The following UNC13B variants were observed in gnomAD, a reference collection of about 807,000 sequenced individuals.
The protein encoded by UNC13B is protein unc-13 homolog B.
In UNC13B, 144 loss-of-function variants were observed where a neutral mutation model predicts 211.0. The ratio of observed to expected loss-of-function variants is 0.68; its 90% confidence interval spans 0.60 to 0.78. The LOEUF (loss-of-function observed/expected upper bound fraction) is 0.78. UNC13B is among the 30% of genes least tolerant of loss of function. UNC13B has a pLI of 0.00. For missense variants in UNC13B, 1,777 were observed against 2,002.0 expected (o/e 0.89, Z 2.14); for synonymous variants, 709 against 725.8 (o/e 0.98, Z 0.37).
At chr9:35,341,605 T>G (rs1831999251) in intron 11 of UNC13B, among the ~76,000 whole-genome samples, 1 of 151,706 alleles carries the variant, frequency 6.6e-6, no homozygotes, top group South Asian at 2.1e-4. Flanking sequence ...ATAGCCCAGA[T>G]GTGAGAGAGG....
At chr9:35,344,132 T>C (rs536502459) in intron 11 of UNC13B, among the ~76,000 whole-genome samples, 1 of 152,246 alleles carries the variant, frequency 6.6e-6, no homozygotes, top group African/African-American at 2.4e-5. Flanking sequence ...GGGAGCCCTG[T>C]CACAGCATCC....
In UNC13B at chr9:35,404,055, A is replaced by G. The variant is rs1228658042; in HGVS notation, c.*22A>G. ...CTGAACACCTTCGACTCCTGTGCCA[A>G]TCAGGCAGCAGCAATTTCACAAATC... On this transcript the variant is annotated 3_prime_UTR_variant, in exon 40 of 40. Transcript: ENST00000635942. The G allele has an allele frequency of 1.9e-6, 3 of 1,602,120 alleles. No individual in the cohort carries two copies. The highest frequency in any genetic ancestry group is 2.2e-5 in the South Asian group (2 of 89,944).
At position 35,288,276 on chromosome 9, in the gene UNC13B, T is replaced by C. The variant is rs1828903816; in HGVS notation, c.527-7420T>C. Among the ~76,000 whole-genome samples the C allele has an allele frequency of 2.6e-5, 4 of 152,310 alleles. No individual in the cohort carries two copies. In the South Asian group the frequency reaches 8.3e-4, roughly 32 times the overall value. On this transcript the variant is annotated intron_variant, in intron 7 of 39. Coordinates refer to ENST00000635942, the MANE Select transcript of UNC13B (RefSeq NM_001371189.2). ...CTAAAATGCCAAATCTGATCCTGTC[T>C]TTCCCCTCTTAAAAGCTCTGATAGC...
At chr9:35,274,871 C>G (rs1311555039) in intron 7 of UNC13B, among the ~76,000 whole-genome samples, 1 of 152,082 alleles carries the variant, frequency 6.6e-6, no homozygotes, top group Non-Finnish European at 1.5e-5. Flanking sequence ...ATGTCCAGCT[C>G]CATAACTTTC....
chr9:35,235,204 A>AT (rs1257053864), intron 3 of UNC13B, among the ~76,000 whole-genome samples: 1 of 151,882 alleles, frequency 6.6e-6, no homozygotes, highest in Non-Finnish European at 1.5e-5. Flanking sequence ...TTCTTTTCGA[A>AT]TTTTTTCCCC....
chr9:35,218,903 C>T (rs189853174), intron 1 of UNC13B, among the ~76,000 whole-genome samples: 2 of 152,172 alleles, frequency 1.3e-5, no homozygotes, highest in Non-Finnish European at 2.9e-5. Flanking sequence ...GCATGCACCA[C>T]CACGCCTGGC....
At chr9:35,324,803 CAT>C (rs1830921562) in intron 11 of UNC13B, among the ~76,000 whole-genome samples, 1 of 152,118 alleles carries the variant, frequency 6.6e-6, no homozygotes, top group Non-Finnish European at 1.5e-5. Context: ...TAAATCTATA[CAT>C]TTTTCTTTTG....
intron 11 of UNC13B, among the ~76,000 whole-genome samples, chr9:35,363,798 G>A (rs1033263986): frequency 3.3e-5 from 5 of 152,092 alleles, no homozygotes; most frequent in African/African-American, 7.2e-5. Context: ...TGGCTTGATC[G>A]GGCCCTTCTG....
chr9:35,341,786 G>A (rs1025114276), intron 11 of UNC13B: 22 of 257,106 alleles, frequency 8.6e-5, no homozygotes, highest in African/African-American at 3.7e-4. Context: ...GGGTGTGTGC[G>A]CCAGGAACGT....
chr9:35,345,300 A>G (rs1466734028), intron 11 of UNC13B, among the ~76,000 whole-genome samples: 1 of 152,200 alleles, frequency 6.6e-6, no homozygotes, highest in Non-Finnish European at 1.5e-5. Context: ...GCTCAACTCC[A>G]AATATAAGGA....
intron 1 of UNC13B, among the ~76,000 whole-genome samples, chr9:35,203,025 C>T (rs941365839): frequency 4.6e-5 from 7 of 152,112 alleles, no homozygotes; most frequent in African/African-American, 1.4e-4. Context: ...ATCTCCTGAC[C>T]TCGTGATCCA....
rs1193814651 is a variant in UNC13B at position 35,398,904 on chromosome 9, T to C, written c.11944T>C (p.Cys3982Arg). ...GNSFQVRIDE[C>R]VRQMADILGQ... ...TAGTTTCCAGGTACGGATTGATGAG[T>C]GTGTTCGACAAATGGCCGACATCCT... is the stretch of plus-strand genomic sequence containing the variant. The change falls in exon 33 of 40, where the codon TGT (cysteine) becomes CGT (arginine). Residue 3982 changes from cysteine (C) to arginine (R), a missense_variant. Transcript: ENST00000635942. The C allele has an allele frequency of 6.2e-6, 10 of 1,613,800 alleles. No homozygotes were observed. Among genetic ancestry groups the C allele is most frequent in the Non-Finnish European group, 8.5e-6 (10 of 1,179,930 alleles).
intron 22 of UNC13B, 49 bp from the exon 23 acceptor site, chr9:35,385,675 G>A: frequency 1.3e-6 from 2 of 1,537,800 alleles, no homozygotes; most frequent in Non-Finnish European, 1.8e-6. Context: ...GGCAGGGAAG[G>A]TTTTCATAGT....
chr9:35,358,017 G>T (rs1833146886), intron 11 of UNC13B, among the ~76,000 whole-genome samples: 1 of 152,148 alleles, frequency 6.6e-6, no homozygotes, highest in South Asian at 2.1e-4. Context: ...ATTGATCTAA[G>T]TACCTCATGT....
chr9:35,331,244 T>C (rs1242165218), intron 11 of UNC13B, among the ~76,000 whole-genome samples: 1 of 152,104 alleles, frequency 6.6e-6, no homozygotes, highest in African/African-American at 2.4e-5. Flanking sequence ...TTTGTTTTGT[T>C]TTTTCGTTTT....
At chr9:35,385,448 T>G in intron 22 of UNC13B, 1 of 985,432 alleles carries the variant, frequency 1.0e-6, no homozygotes, top group Non-Finnish European at 1.2e-6. Flanking sequence ...GTGTGTTCCT[T>G]TGTACAAGTG....
intron 20 of UNC13B, among the ~76,000 whole-genome samples, chr9:35,382,128 G>A (rs1834887051): frequency 6.6e-6 from 1 of 152,200 alleles, no homozygotes; most frequent in South Asian, 2.1e-4. Flanking sequence ...TGTGTATGGA[G>A]TTGACCAGGA....
At position 35,397,416 on chromosome 9, in the gene UNC13B, C is replaced by T. The variant is rs914005741; in HGVS notation, c.11676+106C>T. 1.5e-5 allele frequency: 23 copies of T among 1,512,998 alleles called. No individual in the cohort carries two copies. The East Asian group carries it at 1.6e-4, about 10-fold the overall frequency. The allele number at this position is 1,512,998 out of a possible 1,614,324, so 93.7% of individuals were successfully genotyped here. A position where few individuals can be genotyped will look rare whatever the true frequency, so the allele number is the denominator to read the frequency against. ...TCCACTGTGGCCTCCTGGTAAAGCT[C>T]GTGTGACCCCCATTCTCCTTTGCTG... On this transcript the variant is annotated intron_variant, in intron 29 of 39. Transcript: ENST00000635942.
chr9:35,387,096 A>G (rs1835236596), intron 24 of UNC13B, among the ~76,000 whole-genome samples: 1 of 152,184 alleles, frequency 6.6e-6, no homozygotes, highest in Non-Finnish European at 1.5e-5. Flanking sequence ...AGTCTCATAA[A>G]CATATATATA....
Sources: allele counts gnomAD v4.1 joint callset (sites outside exome capture counted in the v4.1 genomes callset), GRCh38; gene constraint gnomAD v4.1.1; transcripts MANE v1.5; gene names NCBI Gene and HGNC (gene_info 2026-07-23, HGNC 2026-07-21).